Variants in SLC4A5 observed in about 807,000 individuals in gnomAD.
SLC4A5 encodes the protein solute carrier family 4 member 5.
In SLC4A5, 96 loss-of-function variants were observed where a neutral mutation model predicts 120.4. The ratio of observed to expected loss-of-function variants is 0.80; its 90% CI spans 0.68 to 0.94. The LOEUF is 0.94. Among genes scored for constraint, SLC4A5 ranks in the 40% least tolerant of loss-of-function variants. The pLI is 0.00. For missense variants in SLC4A5, 1,259 were observed against 1,459.5 expected (o/e 0.86, Z 2.24); for synonymous variants, 550 against 571.1 (o/e 0.96, Z 0.53).
At chr2:74,314,847 G>A in intron 6 of SLC4A5, 98 bp downstream of exon 6, 1 of 1,121,884 alleles carries the variant, frequency 8.9e-7, no homozygotes, top group Non-Finnish European at 1.4e-6. Context: ...AAAGGGACCT[G>A]CTCCCTAGAC....
intron 6 of SLC4A5, among the ~76,000 whole-genome samples, chr2:74,312,392 G>T (rs1266645743): frequency 1.3e-5 from 2 of 151,884 alleles, no homozygotes; most frequent in Non-Finnish European, 2.9e-5. Context: ...ACCATGCCTG[G>T]CTAATTTATG....
chr2:74,296,389 C>T (rs527589501), intron 7 of SLC4A5, among the ~76,000 whole-genome samples: 1 of 152,038 alleles, frequency 6.6e-6, no homozygotes, highest in Non-Finnish European at 1.5e-5. Context: ...CTCCCCTCTT[C>T]ACCACTTCCT....
intron 6 of SLC4A5, among the ~76,000 whole-genome samples, chr2:74,304,934 G>A (rs532236200): frequency 5.9e-5 from 9 of 152,230 alleles, no homozygotes; most frequent in South Asian, 2.1e-4. Flanking sequence ...CCATTCCCCC[G>A]TTCTTGCTTG....
At chr2:74,292,922 C>T (rs1672217905) in intron 7 of SLC4A5, among the ~76,000 whole-genome samples, 1 of 152,066 alleles carries the variant, frequency 6.6e-6, no homozygotes, top group Non-Finnish European at 1.5e-5. Context: ...CACTGCTGGC[C>T]CCTGACATGG....
chr2:74,225,439 T>C (rs1185934738), intron 27 of SLC4A5, among the ~76,000 whole-genome samples: 1 of 152,022 alleles, frequency 6.6e-6, no homozygotes, highest in Non-Finnish European at 1.5e-5. Context: ...CTACTAAAAG[T>C]ACAAAAGTTA....
chr2:74,266,415 T>C (rs1671304279), intron 8 of SLC4A5, among the ~76,000 whole-genome samples: 1 of 152,142 alleles, frequency 6.6e-6, no homozygotes, highest in Non-Finnish European at 1.5e-5. Flanking sequence ...ACTACATGCA[T>C]GCACCATCAC....
At chr2:74,336,200 TG>T (rs1673483869) in intron 3 of SLC4A5, among the ~76,000 whole-genome samples, 1 of 152,140 alleles carries the variant, frequency 6.6e-6, no homozygotes, top group South Asian at 2.1e-4. Context: ...CCCAAATATC[TG>T]GGACTATAGG....
intron 19 of SLC4A5, among the ~76,000 whole-genome samples, chr2:74,244,205 G>A (rs902303185): frequency 6.6e-6 from 1 of 152,158 alleles, no homozygotes. Context: ...TTTCTGTGAA[G>A]AAACTGAAAT....
intron 3 of SLC4A5, among the ~76,000 whole-genome samples, chr2:74,337,890 G>A (rs139553953): frequency 1.3e-5 from 2 of 152,296 alleles, no homozygotes; most frequent in East Asian, 3.9e-4. Context: ...ATCTTTAAAT[G>A]AGAGTGATCC....
intron 21 of SLC4A5, among the ~76,000 whole-genome samples, chr2:74,236,469 CT>C (rs1357304065): frequency 1.3e-5 from 2 of 152,186 alleles, no homozygotes; most frequent in Non-Finnish European, 2.9e-5. Flanking sequence ...TCCTCCTCCC[CT>C]CTTCCTTCCT....
intron 6 of SLC4A5, among the ~76,000 whole-genome samples, chr2:74,313,535 C>T (rs1371184910): frequency 6.6e-6 from 1 of 152,178 alleles, no homozygotes; most frequent in Non-Finnish European, 1.5e-5. Flanking sequence ...CACCCCACTG[C>T]ATGCTCTTCT....
intron 7 of SLC4A5, among the ~76,000 whole-genome samples, chr2:74,287,055 C>T (rs1487263153): frequency 6.6e-6 from 1 of 152,276 alleles, no homozygotes; most frequent in East Asian, 1.9e-4. Context: ...TTTTCAGGAA[C>T]CCCACTGCCC....
intron 8 of SLC4A5, among the ~76,000 whole-genome samples, chr2:74,277,927 A>T (rs956084127): frequency 6.6e-6 from 1 of 152,156 alleles, no homozygotes; most frequent in Non-Finnish European, 1.5e-5. Context: ...ACAAAAAAAA[A>T]ATCCCCAAAA....
At chr2:74,225,786 G>A (rs1419253230) in intron 27 of SLC4A5, among the ~76,000 whole-genome samples, 2 of 152,086 alleles carry the variant, frequency 1.3e-5, no homozygotes, top group African/African-American at 2.4e-5. Context: ...CCCACACATT[G>A]AATTTTACTG....
intron 12 of SLC4A5, among the ~76,000 whole-genome samples, chr2:74,259,246 T>C (rs1671061271): frequency 6.6e-6 from 1 of 152,188 alleles, no homozygotes; most frequent in African/African-American, 2.4e-5. Context: ...ATCCCATCTT[T>C]AAAGGTGCTT....
chr2:74,263,368 G>A (rs769771996), intron 10 of SLC4A5, among the ~76,000 whole-genome samples: 1 of 152,192 alleles, frequency 6.6e-6, no homozygotes, highest in Non-Finnish European at 1.5e-5. Flanking sequence ...TTACAGGTGT[G>A]GGCCACCATG....
intron 25 of SLC4A5, among the ~76,000 whole-genome samples, chr2:74,229,881 GTT>G (rs776603381): frequency 0.035 from 4,903 of 138,868 alleles, 103 homozygotes; most frequent in East Asian, 0.084. Flanking sequence ...TCTGAATGAG[GTT>G]TTTTTTTTTT....
exon 31 of SLC4A5, chr2:74,218,476 A>G (rs1267975646): frequency 1.3e-5 from 2 of 152,232 alleles, no homozygotes; most frequent in African/African-American, 4.8e-5. Flanking sequence ...GCATCTAAGC[A>G]ATACTTTTCA....
chr2:74,238,676 C>A (rs1303008975), intron 21 of SLC4A5, among the ~76,000 whole-genome samples: 1 of 152,146 alleles, frequency 6.6e-6, no homozygotes, highest in African/African-American at 2.4e-5. Flanking sequence ...GAAACACTGT[C>A]TCACAGTACA....
Sources: gnomAD v4.1 joint callset for allele counts (sites outside exome capture counted in the v4.1 genomes callset) on GRCh38, gnomAD v4.1.1 for gene constraint, MANE v1.5 for transcripts, NCBI Gene and HGNC (gene_info 2026-07-23, HGNC 2026-07-21) for gene names.